The following TMUB1 variants were observed in gnomAD, a reference collection of about 807,000 sequenced individuals.
The protein encoded by TMUB1 is transmembrane and ubiquitin like domain containing 1.
In TMUB1, 9 loss-of-function variants were observed where a neutral mutation model predicts 16.2. The observed-to-expected ratio is 0.55, with a 90% CI of 0.33 to 0.97. The LOEUF is 0.97. Among genes scored for constraint, TMUB1 ranks in the 50% least tolerant of loss-of-function variants. The pLI is 0.03. For synonymous variants in TMUB1, 155 were observed against 152.2 expected (o/e 1.02, Z -0.13); for missense variants, 309 against 313.5 (o/e 0.99, Z 0.11).
At position 151,082,335 on chromosome 7, in the gene TMUB1, T is replaced by C; in HGVS notation, c.229A>G (p.Arg77Gly). 1 of 1,600,606 alleles carries C rather than the reference T, an allele frequency of 6.2e-7. No homozygotes were observed. Among genetic ancestry groups the C allele is most frequent in the Admixed American group, 1.7e-5 (1 of 58,482 alleles). Residue 77 changes from arginine (R) to glycine (G), a missense_variant, in exon 2 of 3, where the codon AGA becomes GGA. Coordinates refer to ENST00000297533, the MANE Select transcript of TMUB1 (RefSeq NM_001136044.2). This position sits in a 1 kb window ranked among gnomAD's most constrained non-coding sequence, Gnocchi z 7.0. ...GGCTCTGGCTGTGCAGCTTGACCTC[T>C]GTGTCTCAGGCTGGGGGTCTCTGCC... ...PGAETPSLRH[R>G]GQAAQPEPST...
In TMUB1 at chr7:151,082,305, T is replaced by C. The variant is rs1338672059; in HGVS notation, c.259A>G (p.Thr87Ala). Reference protein sequence around the residue: ...RGQAAQPEPSTGFTATPPAPD... With the variant: ...RGQAAQPEPSAGFTATPPAPD... The stretch of plus-strand genomic sequence containing the variant: ...GCTGGCGGTGTTGCTGTGAACCCCG[T>C]GCTGGGCTCTGGCTGTGCAGCTTGA... Residue 87 changes from threonine (T) to alanine (A), a missense_variant, in exon 2 of 3, where the codon ACG (threonine) becomes GCG (alanine). By Grantham distance (58) the Thr-to-Ala change is moderately conservative (BLOSUM62 0). Transcript: ENST00000297533. This position sits in a 1 kb window ranked among gnomAD's most constrained non-coding sequence, Gnocchi z 7.0. The C allele has an allele frequency of 6.3e-7, 1 of 1,599,380 alleles. No homozygotes were observed. The highest frequency in any genetic ancestry group is 8.5e-7 in the Non-Finnish European group (1 of 1,171,796).
At position 151,082,303 on chromosome 7, in the gene TMUB1, C is replaced by T. The variant is rs1269166968; in HGVS notation, c.261G>A (p.Thr87=). ...RGQAAQPEPS[T]GFTATPPAPD... is the part of the protein sequence containing the mutation. ...GGGCTGGCGGTGTTGCTGTGAACCC[C>T]GTGCTGGGCTCTGGCTGTGCAGCTT... Residue 87 remains threonine, a synonymous_variant, in exon 2 of 3, where the codon ACG becomes ACA. Transcript: ENST00000297533. The surrounding 1 kb of genome is among the most constrained non-coding windows in gnomAD (Gnocchi z 7.0). The T allele has an allele frequency of 2.5e-6, 4 of 1,598,204 alleles. No individual in the cohort carries two copies. The highest frequency in any genetic ancestry group is 2.6e-6 in the Non-Finnish European group (3 of 1,171,300).
chr7:151,082,255 G>T lies in TMUB1; in HGVS notation c.309C>A (p.Leu103=), dbSNP rs764256756. The change falls in exon 2 of 3, where the codon CTC becomes CTA. Residue 103 remains leucine (L), a synonymous_variant. Transcript: ENST00000297533. This position sits in a 1 kb window ranked among gnomAD's most constrained non-coding sequence, Gnocchi z 7.0. ...PPAPDSPQEP[L]VLRLKFLNDS... ...CATTGAGGAATTTCAGCCGTAGCAC[G>T]AGGGGCTCCTGCGGGGAGTCCGGGG... 1 of 1,568,872 alleles carries T rather than the reference G, an allele frequency of 6.4e-7. No homozygotes were observed. The highest frequency in any genetic ancestry group is 8.6e-7 in the Non-Finnish European group (1 of 1,156,502).
In TMUB1 at chr7:151,082,332, C is replaced by T. The variant is rs754393430; in HGVS notation, c.232G>A (p.Gly78Ser). 3.1e-5 allele frequency: 50 copies of T among 1,600,764 alleles called. 1 individual carries two copies. Among genetic ancestry groups the T allele is most frequent in the Non-Finnish European group, 3.9e-5 (46 of 1,172,316 alleles). The change falls in exon 2 of 3, where the codon GGT (glycine) becomes AGT (serine). Residue 78 changes from glycine to serine, a missense_variant. Transcript: ENST00000297533. The surrounding 1 kb of genome is among the most constrained non-coding windows in gnomAD (Gnocchi z 7.0). ...CTGGGCTCTGGCTGTGCAGCTTGACCTCTGTGTCTCAGGCTGGGGGTCTCT... is the reference window on the plus strand; with the variant it reads ...CTGGGCTCTGGCTGTGCAGCTTGACTTCTGTGTCTCAGGCTGGGGGTCTCT... ...GAETPSLRHR[G>S]QAAQPEPSTG...
chr7:151,081,597 G>A lies in TMUB1; in HGVS notation c.693C>T (p.Gly231=), dbSNP rs1221190374. ...FPLTATLGLA[G]FTLLLSLLAF... is the part of the protein sequence containing the mutation. ...CCAGGAGACTGAGGAGCAGGGTGAAGCCGGCCAGGCCCAGAGTGGCGGTCA... is the reference window on the plus strand; with the variant it reads ...CCAGGAGACTGAGGAGCAGGGTGAAACCGGCCAGGCCCAGAGTGGCGGTCA... Residue 231 remains glycine, a synonymous_variant, in exon 3 of 3, where the codon GGC becomes GGT. Coordinates refer to ENST00000297533, the MANE Select transcript of TMUB1 (RefSeq NM_001136044.2). The surrounding 1 kb of genome is among the most constrained non-coding windows in gnomAD (Gnocchi z 7.6). 6.2e-7 allele frequency: 1 copy of A among 1,609,032 alleles called. No homozygotes were observed. Among genetic ancestry groups the A allele is most frequent in the South Asian group, 1.1e-5 (1 of 90,404 alleles).
Position 151,082,770 on chromosome 7 carries a change from G to T in TMUB1, c.-30-177C>A. On this transcript the variant is annotated intron_variant, in intron 1 of 2. Transcript: ENST00000297533. The surrounding 1 kb of genome is among the most constrained non-coding windows in gnomAD (Gnocchi z 7.0). Reference sequence around the variant, plus strand: ...CCAGTCGCCCCAAACTTGCCTCCGGGTGCCCCTTCCCATCGCCGAATCCCA... The same window carrying T: ...CCAGTCGCCCCAAACTTGCCTCCGGTTGCCCCTTCCCATCGCCGAATCCCA... 1 of 439,284 alleles carries T rather than the reference G, an allele frequency of 2.3e-6. No homozygotes were observed. Among genetic ancestry groups the T allele is most frequent in the Non-Finnish European group, 3.8e-6 (1 of 260,026 alleles). 27.2% of individuals were successfully genotyped at this position (439,284 alleles called of 1,614,324 possible). A position where few individuals can be genotyped will look rare whatever the true frequency, so the allele number is the denominator to read the frequency against.
chr7:151,082,349 G>A lies in TMUB1; in HGVS notation c.215C>T (p.Pro72Leu), dbSNP rs1350700554. Reference sequence around the variant, plus strand: ...AGCTTGACCTCTGTGTCTCAGGCTGGGGGTCTCTGCCCCTGGGGCCTCCCC... The same window carrying A: ...AGCTTGACCTCTGTGTCTCAGGCTGAGGGTCTCTGCCCCTGGGGCCTCCCC... ...MRGEAPGAET[P>L]SLRHRGQAAQ... The change falls in exon 2 of 3, where the codon CCC (proline) becomes CTC (leucine). Residue 72 changes from proline (P) to leucine (L), a missense_variant. Transcript: ENST00000297533. This position sits in a 1 kb window ranked among gnomAD's most constrained non-coding sequence, Gnocchi z 7.0. The A allele has an allele frequency of 6.3e-7, 1 of 1,598,008 alleles. No individual in the cohort carries two copies. The highest frequency in any genetic ancestry group is 1.1e-5 in the South Asian group (1 of 89,506).
chr7:151,081,679 A>AGCAGCAGGG lies in TMUB1; in HGVS notation c.602_610dup (p.Pro201_Leu203dup). On this transcript the variant is annotated inframe_insertion, in exon 3 of 3. Coordinates refer to ENST00000297533, the MANE Select transcript of TMUB1 (RefSeq NM_001136044.2). This position sits in a 1 kb window ranked among gnomAD's most constrained non-coding sequence, Gnocchi z 7.6. ...GTACCAGAGCAGCAGCAACAGCAGG[A>AGCAGCAGGG]GCAGCAGGGGCAGCAGCAGGCTGCC... 1.3e-6 allele frequency: 2 copies of AGCAGCAGGG among 1,589,936 alleles called. No homozygotes were observed. The highest frequency in any genetic ancestry group is 1.7e-6 in the Non-Finnish European group (2 of 1,168,560).
chr7:151,081,285 A>C lies in TMUB1; in HGVS notation c.*264T>G. ...GCCCGGCTCTGCCCGGGGCCGAGGC[A>C]GCGACAGCAGATGCCCGACCCCGAG... On this transcript the variant is annotated 3_prime_UTR_variant, in exon 3 of 3. Transcript: ENST00000297533. This position sits in a 1 kb window ranked among gnomAD's most constrained non-coding sequence, Gnocchi z 7.6. The C allele has an allele frequency of 8.3e-6, 3 of 362,190 alleles. No individual in the cohort carries two copies. Among genetic ancestry groups the C allele is most frequent in the East Asian group, 7.4e-5 (1 of 13,424 alleles). 22.4% of individuals were successfully genotyped at this position (362,190 alleles called of 1,614,324 possible). A position where few individuals can be genotyped will look rare whatever the true frequency, so the allele number is the denominator to read the frequency against.
chr7:151,082,834 C>T lies in TMUB1; in HGVS notation c.-30-241G>A. Reference sequence around the variant, plus strand: ...TGTCATCTGAGCTCGAGGTCTTCAACCAGCTCCCAACTCACCCAAACCCTA... The same window carrying T: ...TGTCATCTGAGCTCGAGGTCTTCAATCAGCTCCCAACTCACCCAAACCCTA... On this transcript the variant is annotated intron_variant, in intron 1 of 2. Coordinates refer to ENST00000297533, the MANE Select transcript of TMUB1 (RefSeq NM_001136044.2). This position sits in a 1 kb window ranked among gnomAD's most constrained non-coding sequence, Gnocchi z 7.0. The T allele has an allele frequency of 2.7e-6, 1 of 374,078 alleles. No homozygotes were observed. 23.2% of individuals were successfully genotyped at this position (374,078 alleles called of 1,614,324 possible). A position where few individuals can be genotyped will look rare whatever the true frequency, so the allele number is the denominator to read the frequency against.
chr7:151,082,794 C>T lies in TMUB1; in HGVS notation c.-30-201G>A, dbSNP rs1174548947. On this transcript the variant is annotated intron_variant, in intron 1 of 2. Transcript: ENST00000297533. This position sits in a 1 kb window ranked among gnomAD's most constrained non-coding sequence, Gnocchi z 7.0. ...GGTGCCCCTTCCCATCGCCGAATCC[C>T]AAGTCCTAACTTTCTGTCATCTGAG... 2.5e-6 allele frequency: 1 copy of T among 407,286 alleles called. No individual in the cohort carries two copies. Among genetic ancestry groups the T allele is most frequent in the Non-Finnish European group, 4.3e-6 (1 of 231,684 alleles). The allele number at this position is 407,286 out of a possible 1,614,324, so 25.2% of individuals were successfully genotyped here.
In TMUB1 at chr7:151,081,939, G is replaced by T; in HGVS notation, c.390-39C>A. The T allele has an allele frequency of 6.9e-7, 1 of 1,454,596 alleles. No homozygotes were observed. Among genetic ancestry groups the T allele is most frequent in the Non-Finnish European group, 9.1e-7 (1 of 1,104,714 alleles). The allele number at this position is 1,454,596 out of a possible 1,614,324, so 90.1% of individuals were successfully genotyped here. A position where few individuals can be genotyped will look rare whatever the true frequency, so the allele number is the denominator to read the frequency against. ...GACCTGGGTAAGAGAGCAGGCCTCA[G>T]GCAATCCTAGTCCCTGGCCCCGGAA... is the stretch of plus-strand genomic sequence containing the variant. On this transcript the variant is annotated intron_variant, in intron 2 of 2. Transcript: ENST00000297533. The surrounding 1 kb of genome is among the most constrained non-coding windows in gnomAD (Gnocchi z 7.6).
In TMUB1 at chr7:151,081,765, G is replaced by T. The variant is rs758979889; in HGVS notation, c.525C>A (p.Val175=). Residue 175 remains valine (V), a synonymous_variant, in exon 3 of 3, where the codon GTC becomes GTA. Coordinates refer to ENST00000297533, the MANE Select transcript of TMUB1 (RefSeq NM_001136044.2). The surrounding 1 kb of genome is among the most constrained non-coding windows in gnomAD (Gnocchi z 7.6). ...CVLHCHVSTR[V]GPPNPPCPPG... is the part of the protein sequence containing the mutation. Reference sequence around the variant, plus strand: ...GCGGGCAGGGGGGATTTGGGGGACCGACTCTCGTGGACACGTGGCAGTGGA... The same window carrying T: ...GCGGGCAGGGGGGATTTGGGGGACCTACTCTCGTGGACACGTGGCAGTGGA... 1.1e-5 allele frequency: 18 copies of T among 1,593,974 alleles called. No homozygotes were observed. The South Asian group carries it at 1.1e-4, about 10-fold the overall frequency.
rs1274630630 is a variant in TMUB1, at chr7:151,083,426, G to A, written c.-31+8C>T. The A allele has an allele frequency of 6.6e-6, 1 of 152,180 alleles. No homozygotes were observed. The highest frequency in any genetic ancestry group is 1.5e-5 in the Non-Finnish European group (1 of 68,026). The allele number at this position is 152,180 out of a possible 1,614,324, so 9.4% of individuals were successfully genotyped here. A position where few individuals can be genotyped will look rare whatever the true frequency, so the allele number is the denominator to read the frequency against. The stretch of plus-strand genomic sequence containing the variant: ...CGGGGTGGGCGCGGTCACGGCGCGG[G>A]GACTCACCGCCCGGCTCCCCCAGCT... On this transcript the variant is annotated splice_region_variant and intron_variant, in intron 1 of 2. Coordinates refer to ENST00000297533, the MANE Select transcript of TMUB1 (RefSeq NM_001136044.2). This position sits in a 1 kb window ranked among gnomAD's most constrained non-coding sequence, Gnocchi z 5.9.
rs1798039948 is a variant in TMUB1, at chr7:151,083,001, C to T, written c.-30-408G>A. ...CTTCACCCCAGGCTCATCTACTCCG[C>T]TGCTAAAGTTTCTAAGAGGTGGGGG... On this transcript the variant is annotated intron_variant, in intron 1 of 2. Coordinates refer to ENST00000297533, the MANE Select transcript of TMUB1 (RefSeq NM_001136044.2). This position sits in a 1 kb window ranked among gnomAD's most constrained non-coding sequence, Gnocchi z 5.9. The T allele has an allele frequency of 6.2e-6, 1 of 161,184 alleles. No individual in the cohort carries two copies. The highest frequency in any genetic ancestry group is 6.5e-5 in the Admixed American group (1 of 15,494). 10.0% of individuals were successfully genotyped at this position (161,184 alleles called of 1,614,324 possible).
In TMUB1 at chr7:151,082,925, C is replaced by G. The variant is rs1798038895; in HGVS notation, c.-30-332G>C. On this transcript the variant is annotated intron_variant, in intron 1 of 2. Transcript: ENST00000297533. The surrounding 1 kb of genome is among the most constrained non-coding windows in gnomAD (Gnocchi z 7.0). ...ACCCCAACCAAACTTCACCCCCAAG[C>G]GTATCTATTCTCCTGCCCACTTCAC... The G allele has an allele frequency of 4.5e-6, 1 of 222,048 alleles. No homozygotes were observed. Among genetic ancestry groups the G allele is most frequent in the African/African-American group, 2.3e-5 (1 of 44,062 alleles). 13.8% of individuals were successfully genotyped at this position (222,048 alleles called of 1,614,324 possible).
In TMUB1 at chr7:151,081,786, G is replaced by A; in HGVS notation, c.504C>T (p.His168=). 2 of 1,593,580 alleles carry A rather than the reference G, an allele frequency of 1.3e-6. No homozygotes were observed. Among genetic ancestry groups the A allele is most frequent in the South Asian group, 1.1e-5 (1 of 87,922 alleles). The stretch of plus-strand genomic sequence containing the variant: ...GACCGACTCTCGTGGACACGTGGCA[G>A]TGGAGAACGCAGTTGGGAGGGAGGT... ...SLHLPPNCVL[H]CHVSTRVGPP... The change falls in exon 3 of 3, where the codon CAC becomes CAT. Residue 168 remains histidine, a synonymous_variant. Transcript: ENST00000297533. The surrounding 1 kb of genome is among the most constrained non-coding windows in gnomAD (Gnocchi z 7.6).
Position 151,081,382 on chromosome 7 carries a change from C to T in TMUB1, c.*167G>A. ...GCCCCGAGCCCCGGCGGTCGCAGGG[C>T]GGGGCCTCCGCCAGTCCCGGGAGTC... On this transcript the variant is annotated 3_prime_UTR_variant, in exon 3 of 3. Transcript: ENST00000297533. This position sits in a 1 kb window ranked among gnomAD's most constrained non-coding sequence, Gnocchi z 7.6. The T allele has an allele frequency of 5.9e-6, 7 of 1,191,818 alleles. No individual in the cohort carries two copies. The highest frequency in any genetic ancestry group is 7.3e-6 in the Non-Finnish European group (7 of 954,692). 73.8% of individuals were successfully genotyped at this position (1,191,818 alleles called of 1,614,324 possible).
In TMUB1 at chr7:151,081,752, G is replaced by C. The variant is rs773496732; in HGVS notation, c.538C>G (p.Pro180Ala). ...GGCTCGGACCCCGGCGGGCAGGGGGGATTTGGGGGACCGACTCTCGTGGAC... is the reference window on the plus strand; with the variant it reads ...GGCTCGGACCCCGGCGGGCAGGGGGCATTTGGGGGACCGACTCTCGTGGAC... Reference protein sequence around the residue: ...HVSTRVGPPNPPCPPGSEPGP... With the variant: ...HVSTRVGPPNAPCPPGSEPGP... The change falls in exon 3 of 3, where the codon CCC becomes GCC. Residue 180 changes from proline to alanine, a missense_variant. Transcript: ENST00000297533. This position sits in a 1 kb window ranked among gnomAD's most constrained non-coding sequence, Gnocchi z 7.6. 5 of 1,593,142 alleles carry C rather than the reference G, an allele frequency of 3.1e-6. No homozygotes were observed. In the East Asian group the frequency reaches 1.1e-4, roughly 36 times the overall value.
Sources: allele counts gnomAD v4.1 joint callset, GRCh38; gene constraint gnomAD v4.1.1; non-coding constraint Gnocchi (gnomAD v3.1); transcripts MANE v1.5; gene names NCBI Gene and HGNC (gene_info 2026-07-23, HGNC 2026-07-21).